The following ARHGAP29 variants were observed in gnomAD, a reference collection of about 807,000 sequenced individuals.
ARHGAP29 encodes rho GTPase-activating protein 29.
Under a neutral mutation model 122.6 loss-of-function variants are expected in ARHGAP29, and 43 were observed. The observed-to-expected ratio is 0.35, with a 90% CI of 0.27 to 0.45. The LOEUF (loss-of-function observed/expected upper bound fraction) is 0.45, where lower values mean the gene tolerates loss of function less well. Ranked by LOEUF, ARHGAP29 falls within the 20% of genes least tolerant of loss-of-function variation. The probability of loss-of-function intolerance (pLI) is 1.00; values close to 1 mark genes in which losing one functional copy is unlikely to be tolerated. For synonymous variants in ARHGAP29, 506 were observed against 497.1 expected, an observed-to-expected ratio of 1.02 and a Z score of -0.24; for missense variants, 1,303 against 1,477.2, an observed-to-expected ratio of 0.88 and a Z score of 1.93.
intron 12 of ARHGAP29, among the ~76,000 whole-genome samples, chr1:94,201,123 T>G (rs1650814337): frequency 6.7e-6 from 1 of 150,026 alleles, no homozygotes; most frequent in African/African-American, 2.5e-5. Flanking sequence ...AATATTTAAT[T>G]TACTCCAATT....
chr1:94,295,505 A>G, the ARHGAP29 span, among the ~76,000 whole-genome samples: 1 of 152,086 alleles, frequency 6.6e-6, no homozygotes, highest in South Asian at 2.1e-4. Flanking sequence ...AGATTTCAGA[A>G]ATGGAGCGAT....
At chr1:94,198,915 C>T (rs972581895) in intron 12 of ARHGAP29, among the ~76,000 whole-genome samples, 1 of 152,148 alleles carries the variant, frequency 6.6e-6, no homozygotes, top group Non-Finnish European at 1.5e-5. Flanking sequence ...AGCTGGAAGA[C>T]CCACACTGTG....
chr1:94,246,736 G>C (rs1361456612), intron 1 of ARHGAP29, among the ~76,000 whole-genome samples: 1 of 152,130 alleles, frequency 6.6e-6, no homozygotes, highest in Non-Finnish European at 1.5e-5. Context: ...GGAACACCGG[G>C]TTTCTATCAC....
intron 1 of ARHGAP29, among the ~76,000 whole-genome samples, chr1:94,261,718 A>G (rs555956758): frequency 5.3e-4 from 80 of 152,326 alleles, no homozygotes; most frequent in African/African-American, 1.8e-3. Flanking sequence ...GTTCTCTACA[A>G]GGAGAACTAC....
rs769721038 is a variant in ARHGAP29 at position 94,189,961 on chromosome 1, C to T, written c.1404G>A (p.Lys468=). The T allele has an allele frequency of 1.2e-6, 2 of 1,613,284 alleles. No homozygotes were observed. The highest frequency in any genetic ancestry group is 1.7e-5 in the Admixed American group (1 of 59,904). The change falls in exon 13 of 23, where the codon AAG becomes AAA. Residue 468 remains lysine (K), a synonymous_variant. Transcript: ENST00000260526. ...TTTCTTCTTCAGTTGAATTTGTGGCCTTGACAAATTCACTGTACTCTTGGC... is the reference window on the plus strand; with the variant it reads ...TTTCTTCTTCAGTTGAATTTGTGGCTTTGACAAATTCACTGTACTCTTGGC... ...DPGQEYSEFV[K]ATNSTEEEKV... is the part of the protein sequence containing the mutation.
intron 1 of ARHGAP29, among the ~76,000 whole-genome samples, chr1:94,245,943 A>G (rs908475992): frequency 3.3e-5 from 5 of 152,176 alleles, no homozygotes; most frequent in African/African-American, 1.2e-4. Context: ...GAGGAAGTGA[A>G]GGTGCTTACA....
intron 3 of ARHGAP29, among the ~76,000 whole-genome samples, chr1:94,213,045 C>T (rs986738616): frequency 6.6e-6 from 1 of 152,178 alleles, no homozygotes; most frequent in Admixed American, 6.5e-5. Flanking sequence ...AAACCATTTA[C>T]GGTTTCTTCA....
chr1:94,222,155 T>C (rs1652339571), intron 2 of ARHGAP29, among the ~76,000 whole-genome samples: 1 of 152,184 alleles, frequency 6.6e-6, no homozygotes, highest in African/African-American at 2.4e-5. Context: ...GAGTCCATAC[T>C]GACATAAATG....
Position 94,186,628 on chromosome 1 carries a change from A to C in ARHGAP29, c.1682-31T>G, listed in dbSNP as rs762672372. Reference sequence around the variant, plus strand: ...AGAAAATTGTGGATACAATTACCTGACCATTCATTGTAGAATCTTTGAAAT... The same window carrying C: ...AGAAAATTGTGGATACAATTACCTGCCCATTCATTGTAGAATCTTTGAAAT... On this transcript the variant is annotated intron_variant, in intron 15 of 22. Coordinates refer to ENST00000260526, the MANE Select transcript of ARHGAP29 (RefSeq NM_004815.4). 8 of 1,443,088 alleles carry C rather than the reference A, an allele frequency of 5.5e-6. No homozygotes were observed. In the South Asian group the frequency reaches 9.3e-5, roughly 17 times the overall value. The allele number at this position is 1,443,088 out of a possible 1,614,324, so 89.4% of individuals were successfully genotyped here.
At chr1:94,207,331 A>C (rs560013650) in intron 5 of ARHGAP29, among the ~76,000 whole-genome samples, 6 of 152,084 alleles carry the variant, frequency 3.9e-5, no homozygotes, top group Non-Finnish European at 5.9e-5. Context: ...ATTTTTCAAA[A>C]CCGTTGATCA....
At chr1:94,190,263 C>A (rs917594546) in intron 12 of ARHGAP29, 180 bp from the exon 13 acceptor site, 14 of 556,830 alleles carry the variant, frequency 2.5e-5, no homozygotes, top group African/African-American at 2.5e-4. Flanking sequence ...GGGAGAAAAG[C>A]AGTTTGAATC....
At chr1:94,263,367 C>T (rs1433455039) in intron 1 of ARHGAP29, among the ~76,000 whole-genome samples, 1 of 150,352 alleles carries the variant, frequency 6.7e-6, no homozygotes, top group Non-Finnish European at 1.5e-5. Flanking sequence ...TATAACAAAC[C>T]TGCACATGTA....
the ARHGAP29 span, among the ~76,000 whole-genome samples, chr1:94,295,392 G>A: frequency 6.6e-6 from 1 of 152,130 alleles, no homozygotes; most frequent in South Asian, 2.1e-4. Context: ...AGAAATTGGG[G>A]TGAAGTAGAA....
upstream of ARHGAP29, among the ~76,000 whole-genome samples, chr1:94,242,147 G>A (rs1486491480): frequency 6.6e-6 from 1 of 152,050 alleles, no homozygotes; most frequent in Non-Finnish European, 1.5e-5. Flanking sequence ...AACACAACAA[G>A]GATTGGCAAA....
At position 94,173,719 on chromosome 1, in the gene ARHGAP29, C is replaced by T; in HGVS notation, c.*150G>A. On this transcript the variant is annotated 3_prime_UTR_variant, in exon 23 of 23. Transcript: ENST00000260526. ...AAAACATTCTACCATTCAGTATTAC[C>T]AACAGAGGATAAATACAACAACAAA... 4.5e-6 allele frequency: 4 copies of T among 892,722 alleles called. No homozygotes were observed. The highest frequency in any genetic ancestry group is 6.8e-6 in the Non-Finnish European group (4 of 591,796). The allele number at this position is 892,722 out of a possible 1,614,324, so 55.3% of individuals were successfully genotyped here. A position where few individuals can be genotyped will look rare whatever the true frequency, so the allele number is the denominator to read the frequency against.
intron 3 of ARHGAP29, among the ~76,000 whole-genome samples, chr1:94,210,628 C>T (rs1017423236): frequency 5.3e-5 from 8 of 152,136 alleles, no homozygotes; most frequent in African/African-American, 1.4e-4. Context: ...GTTACCATTG[C>T]GAATATGGTT....
chr1:94,241,121 T>G (rs1365724893), upstream of ARHGAP29, among the ~76,000 whole-genome samples: 1 of 152,180 alleles, frequency 6.6e-6, no homozygotes, highest in Non-Finnish European at 1.5e-5. Context: ...GTCAATAGTG[T>G]CAAGGTGAAA....
upstream of ARHGAP29, among the ~76,000 whole-genome samples, chr1:94,239,251 C>T (rs1220628908): frequency 1.3e-5 from 2 of 152,290 alleles, no homozygotes; most frequent in South Asian, 2.1e-4. Context: ...ACGATTCAAT[C>T]ATAAGTAAGG....
the ARHGAP29 span, among the ~76,000 whole-genome samples, chr1:94,291,250 CTTGT>C: frequency 4.0e-5 from 6 of 151,394 alleles, no homozygotes; most frequent in Admixed American, 1.3e-4. Flanking sequence ...CCCCTGCTTT[CTTGT>C]TTGTTTGTTT....
Sources: allele counts gnomAD v4.1 joint callset (sites outside exome capture counted in the v4.1 genomes callset), GRCh38; gene constraint gnomAD v4.1.1; transcripts MANE v1.5; gene names NCBI Gene and HGNC (gene_info 2026-07-23, HGNC 2026-07-21).